Variants in RNF125 observed in about 807,000 individuals in gnomAD.
RNF125 encodes ring finger protein 125, also known as E3 ubiquitin-protein ligase RNF125.
Under a neutral mutation model 26.0 loss-of-function variants are expected in RNF125, and 21 were observed. The observed-to-expected ratio is 0.81, with a 90% CI of 0.57 to 1.16. The LOEUF (loss-of-function observed/expected upper bound fraction) is 1.16. RNF125 is among the 50% of genes most tolerant of loss of function. The pLI, the probability that RNF125 is intolerant of heterozygous loss-of-function variation, is 0.00. For synonymous variants in RNF125, 95 were observed against 109.2 expected, an observed-to-expected ratio of 0.87 and a Z score of 0.81; for missense variants, 270 against 299.4, an observed-to-expected ratio of 0.90 and a Z score of 0.72.
chr18:32,028,213 G>C (rs1409945599), intron 1 of RNF125, among the ~76,000 whole-genome samples: 1 of 149,772 alleles, frequency 6.7e-6, no homozygotes, highest in Non-Finnish European at 1.5e-5. Context: ...CAGGAGAATG[G>C]TGTGAACTAG....
Position 32,038,070 on chromosome 18 carries a change from A to G in RNF125, c.318+801A>G, listed in dbSNP as rs541311638. Among the ~76,000 whole-genome samples, 275 of 118,390 alleles carry G rather than the reference A, an allele frequency of 2.3e-3. 1 individual carries two copies. The highest frequency in any genetic ancestry group is 3.3e-3 in the Admixed American group (34 of 10,398). The allele number at this position is 118,390 out of a possible 152,430, so 77.7% of individuals were successfully genotyped here. A position where few individuals can be genotyped will look rare whatever the true frequency, so the allele number is the denominator to read the frequency against. On this transcript the variant is annotated intron_variant, in intron 2 of 5. Transcript: ENST00000217740. ...TTTTTTTTTTTTTTTTTTTTTTGAG[A>G]CAGAGTCTTGCTCTGTCGCCCAGGC...
chr18:32,045,876 A>G lies in RNF125; in HGVS notation c.504+144A>G, dbSNP rs2039265412. ...TATGGTAACTCTGTGACTGTTTACAATGTGTGAAAGTGTTCAGTTGAAACT... is the reference window on the plus strand; with the variant it reads ...TATGGTAACTCTGTGACTGTTTACAGTGTGTGAAAGTGTTCAGTTGAAACT... On this transcript the variant is annotated intron_variant, in intron 4 of 5. Coordinates refer to ENST00000217740, the MANE Select transcript of RNF125 (RefSeq NM_017831.4). 3 of 551,106 alleles carry G rather than the reference A, an allele frequency of 5.4e-6. No individual in the cohort carries two copies. In the South Asian group the frequency reaches 7.0e-5, roughly 13 times the overall value. The allele number at this position is 551,106 out of a possible 1,614,324, so 34.1% of individuals were successfully genotyped here.
rs557691875 is a variant in RNF125, at chr18:32,065,799, G to A, written c.505-103G>A. The stretch of plus-strand genomic sequence containing the variant: ...GGCCGCCTCTGCCTCCCAAAGTACT[G>A]GGATTACAGGCGTAAGCCACCGCGC... On this transcript the variant is annotated intron_variant, in intron 4 of 5. Coordinates refer to ENST00000217740, the MANE Select transcript of RNF125 (RefSeq NM_017831.4). 4.5e-5 allele frequency: 34 copies of A among 763,994 alleles called. No homozygotes were observed. The East Asian group carries it at 8.0e-4, about 18-fold the overall frequency. The allele number at this position is 763,994 out of a possible 1,614,324, so 47.3% of individuals were successfully genotyped here.
At chr18:32,060,883 C>T (rs1049779029) in intron 4 of RNF125, among the ~76,000 whole-genome samples, 9 of 152,206 alleles carry the variant, frequency 5.9e-5, no homozygotes, top group Non-Finnish European at 1.3e-4. Context: ...TAACGTCAGA[C>T]TAACAATGGC....
At chr18:32,024,982 T>C (rs1163816672) in intron 1 of RNF125, among the ~76,000 whole-genome samples, 1 of 152,014 alleles carries the variant, frequency 6.6e-6, no homozygotes, top group Non-Finnish European at 1.5e-5. Context: ...GAGAATCGCT[T>C]GAACCTAGGA....
the RNF125 span, among the ~76,000 whole-genome samples, chr18:32,079,753 A>G: frequency 9.6e-4 from 146 of 152,304 alleles, 1 homozygote; most frequent in African/African-American, 3.4e-3. Context: ...CTACCAGACA[A>G]CTTCTCTCCT....
At chr18:32,074,306 A>G (rs756271356), downstream of RNF125, among the ~76,000 whole-genome samples, 2 of 152,194 alleles carry the variant, frequency 1.3e-5, no homozygotes, top group Non-Finnish European at 2.9e-5. Context: ...ACATGGCCAT[A>G]TGTAATGTCA....
chr18:32,068,747 A>G lies in RNF125; in HGVS notation c.*363A>G, dbSNP rs2039507355. The G allele has an allele frequency of 5.9e-6, 1 of 169,726 alleles. No individual in the cohort carries two copies. The highest frequency in any genetic ancestry group is 2.4e-5 in the African/African-American group (1 of 41,806). 10.5% of individuals were successfully genotyped at this position (169,726 alleles called of 1,614,324 possible). ...ACCATCATGGTTAGGCACGATAACT[A>G]ATCTTTGTTCTGTGTAAAAAAATAT... On this transcript the variant is annotated 3_prime_UTR_variant, in exon 6 of 6. Transcript: ENST00000217740.
At chr18:32,078,708 G>C in the RNF125 span, among the ~76,000 whole-genome samples, 1 of 151,918 alleles carries the variant, frequency 6.6e-6, no homozygotes, top group Non-Finnish European at 1.5e-5. Context: ...GAAGAAATGT[G>C]TATCTTTAAA....
chr18:32,080,303 A>G, the RNF125 span, among the ~76,000 whole-genome samples: 2 of 152,246 alleles, frequency 1.3e-5, no homozygotes, highest in African/African-American at 4.8e-5. Context: ...TGCTAGGATT[A>G]CAAGTGTGAG....
Position 32,045,725 on chromosome 18 carries a change from G to C in RNF125, c.497G>C (p.Arg166Thr). 1 of 1,610,332 alleles carries C rather than the reference G, an allele frequency of 6.2e-7. No individual in the cohort carries two copies. The highest frequency in any genetic ancestry group is 8.5e-7 in the Non-Finnish European group (1 of 1,177,784). Residue 166 changes from arginine (R) to threonine (T), a missense_variant, in exon 4 of 6, where the codon AGG becomes ACG. Arg to Thr is a moderately conservative substitution (Grantham distance 71). Transcript: ENST00000217740. The stretch of plus-strand genomic sequence containing the variant: ...ATTACTCATCACAGATCGGAACGGA[G>C]GCCTGTGGTAAGGATTTTTGTTACA... ...HCITHHRSER[R>T]PVFCPLCRLI... is the part of the protein sequence containing the mutation.
the RNF125 span, among the ~76,000 whole-genome samples, chr18:32,085,900 A>G: frequency 0.39 from 59,501 of 151,738 alleles, 12,623 homozygotes; most frequent in Admixed American, 0.54. Context: ...AAAGAGATGC[A>G]GAAAGGCAAA....
intron 1 of RNF125, among the ~76,000 whole-genome samples, chr18:32,033,969 T>TAA (rs371872089): frequency 1.1e-4 from 15 of 139,532 alleles, no homozygotes; most frequent in African/African-American, 3.9e-4. Context: ...AACATACCTT[T>TAA]AAAAAAAAAA....
At chr18:32,057,795 C>T (rs547566757) in intron 4 of RNF125, among the ~76,000 whole-genome samples, 1 of 152,106 alleles carries the variant, frequency 6.6e-6, no homozygotes, top group Non-Finnish European at 1.5e-5. Context: ...CAAACTTTAT[C>T]ATGCATGAGA....
At chr18:32,051,694 C>CTT (rs71177837) in intron 4 of RNF125, among the ~76,000 whole-genome samples, 17,468 of 117,900 alleles carry the variant, frequency 0.15, 1,340 homozygotes, top group Middle Eastern at 0.21. Flanking sequence ...TATTTTCTTT[C>CTT]TTTTTTTTTT....
At chr18:32,031,486 G>GAAAAAAAAAAAAAAAAAAAAAAAA (rs745809061) in intron 1 of RNF125, 1 of 20,956 alleles carries the variant, frequency 4.8e-5, no homozygotes, top group Admixed American at 6.5e-4. Context: ...CAAATTGTGG[G>GAAAAAAAAAAAAAAAAAAAAAAAA]AAAAAAAAAA....
At chr18:32,061,432 A>G (rs542825430) in intron 4 of RNF125, among the ~76,000 whole-genome samples, 1 of 152,314 alleles carries the variant, frequency 6.6e-6, no homozygotes, top group African/African-American at 2.4e-5. Flanking sequence ...CCTTGCATCA[A>G]GTCTACCAAA....
intron 4 of RNF125, among the ~76,000 whole-genome samples, chr18:32,046,469 C>T (rs562280492): frequency 3.2e-4 from 48 of 151,486 alleles, no homozygotes; most frequent in African/African-American, 9.2e-4. Flanking sequence ...TGGTGGTGGG[C>T]GCCTGTAGTC....
intron 4 of RNF125, among the ~76,000 whole-genome samples, chr18:32,059,543 T>C (rs938176167): frequency 1.3e-5 from 2 of 152,230 alleles, no homozygotes; most frequent in Admixed American, 6.5e-5. Flanking sequence ...GATGAGGAGT[T>C]TGCAAATATT....
Sources: gnomAD v4.1 joint callset for allele counts (sites outside exome capture counted in the v4.1 genomes callset) on GRCh38, gnomAD v4.1.1 for gene constraint, MANE v1.5 for transcripts, NCBI Gene and HGNC (gene_info 2026-07-23, HGNC 2026-07-21) for gene names.